The following BSG variants were observed in gnomAD, a reference collection of about 807,000 sequenced individuals.
The protein encoded by BSG is basigin (Ok blood group).
Under a neutral mutation model 43.1 loss-of-function variants are expected in BSG, and 37 were observed. The observed-to-expected ratio is 0.86, with a 90% CI of 0.66 to 1.13. The LOEUF (loss-of-function observed/expected upper bound fraction) is 1.13. Ranked by LOEUF, BSG falls within the 50% of genes most tolerant of loss-of-function variation. The pLI, the probability that BSG is intolerant of heterozygous loss-of-function variation, is 0.00. For synonymous variants in BSG, 309 were observed against 238.7 expected, an observed-to-expected ratio of 1.29 and a Z score of -2.72; for missense variants, 599 against 554.2, an observed-to-expected ratio of 1.08 and a Z score of -0.81.
intron 1 of BSG, among the ~76,000 whole-genome samples, chr19:573,576 C>T (rs1328348261): frequency 6.6e-6 from 1 of 152,086 alleles, no homozygotes; most frequent in Non-Finnish European, 1.5e-5. Context: ...AGGGGCCCTG[C>T]GTGGAAGGGA....
At chr19:579,683 C>T in intron 3 of BSG, 27 bp downstream of exon 3, 1 of 1,581,668 alleles carries the variant, frequency 6.3e-7, no homozygotes, top group Non-Finnish European at 8.6e-7. Flanking sequence ...GCCATGCCGC[C>T]ACCTGCCCCT....
intron 6 of BSG, 136 bp from the exon 7 acceptor site, chr19:582,170 A>T: frequency 1.8e-6 from 2 of 1,124,030 alleles, no homozygotes; most frequent in Non-Finnish European, 2.6e-6. Flanking sequence ...GGGGCTGATG[A>T]GCTGCCCCGA....
chr19:579,634 C>G lies in BSG; in HGVS notation c.550C>G (p.Pro184Ala). ...GGVVLKEDALPGQKTEFKVDS... is the reference protein window; with the variant it reads ...GGVVLKEDALAGQKTEFKVDS... ...CGTGGTGCTGAAGGAGGACGCGCTG[C>G]CCGGCCAGAAAACGGAGTTCAAGTG... Residue 184 changes from proline (P) to alanine (A), a missense_variant, in exon 3 of 9, where the codon CCC becomes GCC. Transcript: ENST00000333511. 2 of 1,610,774 alleles carry G rather than the reference C, an allele frequency of 1.2e-6. No individual in the cohort carries two copies. The highest frequency in any genetic ancestry group is 1.1e-5 in the South Asian group (1 of 90,890).
Position 581,188 on chromosome 19 carries a change from G to C in BSG, c.793-127G>C. On this transcript the variant is annotated intron_variant, in intron 5 of 8. Coordinates refer to ENST00000333511, the MANE Select transcript of BSG (RefSeq NM_001728.4). ...GACTGGGTGAGGGGCCTAGACTGGGGGTCCCGGACTCAGCCCTCCGGACTG... is the reference window on the plus strand; with the variant it reads ...GACTGGGTGAGGGGCCTAGACTGGGCGTCCCGGACTCAGCCCTCCGGACTG... The C allele has an allele frequency of 2.8e-6, 3 of 1,074,332 alleles. 1 individual carries two copies. Among genetic ancestry groups the C allele is most frequent in the Non-Finnish European group, 3.9e-6 (3 of 775,806 alleles). The allele number at this position is 1,074,332 out of a possible 1,614,324, so 66.5% of individuals were successfully genotyped here. A position where few individuals can be genotyped will look rare whatever the true frequency, so the allele number is the denominator to read the frequency against.
intron 1 of BSG, among the ~76,000 whole-genome samples, chr19:574,253 TA>T (rs11420107): frequency 0.15 from 19,161 of 126,844 alleles, 1,427 homozygotes; most frequent in South Asian, 0.28. Context: ...ACTCTGTCTT[TA>T]AAAAAAAAAA....
intron 2 of BSG, among the ~76,000 whole-genome samples, chr19:578,495 C>G (rs1178369992): frequency 6.6e-6 from 1 of 152,290 alleles, no homozygotes; most frequent in African/African-American, 2.4e-5. Context: ...TTGCAGGTCT[C>G]AGAACCTTCT....
intron 3 of BSG, chr19:580,042 A>G: frequency 2.5e-6 from 1 of 405,708 alleles, no homozygotes; most frequent in Admixed American, 4.3e-5. Context: ...GCTTTGTCAT[A>G]ACTGGGGCTG....
chr19:575,777 G>A (rs1015380388), intron 1 of BSG, among the ~76,000 whole-genome samples: 3 of 152,152 alleles, frequency 2.0e-5, no homozygotes, highest in Admixed American at 1.3e-4. Flanking sequence ...GGCCAGAATC[G>A]AATTCTAACC....
intron 1 of BSG, among the ~76,000 whole-genome samples, chr19:576,801 T>G (rs1031738126): frequency 6.6e-6 from 1 of 151,504 alleles, no homozygotes; most frequent in African/African-American, 2.4e-5. Context: ...CCAAAACTTG[T>G]CAACTGCGCC....
intron 1 of BSG, among the ~76,000 whole-genome samples, 198 bp downstream of exon 1, chr19:572,899 C>T (rs955756479): frequency 3.3e-5 from 5 of 152,080 alleles, no homozygotes; most frequent in Non-Finnish European, 5.9e-5. Flanking sequence ...ACTAGAGGTT[C>T]CTCCCGGCGC....
chr19:582,685 TC>T, intron 8 of BSG, 64 bp from the exon 9 acceptor site: 1 of 1,279,666 alleles, frequency 7.8e-7, no homozygotes, highest in Non-Finnish European at 1.1e-6. Flanking sequence ...AGGTGTGGGC[TC>T]CTGGGTCCCG....
chr19:581,968 C>A (rs887069304), intron 6 of BSG, among the ~76,000 whole-genome samples: 1 of 152,270 alleles, frequency 6.6e-6, no homozygotes, highest in Admixed American at 6.5e-5. Context: ...TGCCTCCTCG[C>A]GGAGCCCTTC....
At chr19:574,221 C>G (rs1025177827) in intron 1 of BSG, among the ~76,000 whole-genome samples, 1 of 146,256 alleles carries the variant, frequency 6.8e-6, no homozygotes, top group South Asian at 2.1e-4. Context: ...TGCCACTGCA[C>G]TCCAGCCTGG....
chr19:572,733 C>T, intron 1 of BSG, 32 bp downstream of exon 1: 2 of 1,433,784 alleles, frequency 1.4e-6, no homozygotes, highest in East Asian at 3.0e-5. Context: ...GGGGTGCGGT[C>T]CTGCAGGGGC....
At chr19:580,049 G>A (rs776197785) in intron 3 of BSG, 26 of 416,304 alleles carry the variant, frequency 6.2e-5, no homozygotes, top group Non-Finnish European at 1.0e-4. Flanking sequence ...CATAACTGGG[G>A]CTGGGACGGC....
chr19:578,071 C>T lies in BSG; in HGVS notation c.365C>T (p.Ala122Val), dbSNP rs753877511. Reference protein sequence around the residue: ...NDPDRNHLTRAPRVKWVRAQA... With the variant: ...NDPDRNHLTRVPRVKWVRAQA... ...CCGGATCGCAACCACCTGACCCGGG[C>T]GCCCAGGGTCAAGTGGGTCCGCGCC... The change falls in exon 2 of 9, where the codon GCG becomes GTG. Residue 122 changes from alanine (A) to valine (V), a missense_variant. Coordinates refer to ENST00000333511, the MANE Select transcript of BSG (RefSeq NM_001728.4). 24 of 1,607,272 alleles carry T rather than the reference C, an allele frequency of 1.5e-5. No individual in the cohort carries two copies. Among genetic ancestry groups the T allele is most frequent in the South Asian group, 2.2e-5 (2 of 90,596 alleles).
At chr19:574,253 T>TAAAA (rs11420107) in intron 1 of BSG, among the ~76,000 whole-genome samples, 1 of 127,012 alleles carries the variant, frequency 7.9e-6, no homozygotes, top group Non-Finnish European at 1.7e-5. Context: ...ACTCTGTCTT[T>TAAAA]AAAAAAAAAA....
chr19:579,571 G>C lies in BSG; in HGVS notation c.487G>C (p.Ala163Pro). ...CCTCACCTGCTCCTTGAATGACAGCGCCACAGAGGTCACAGGGCACCGCTG... is the reference window on the plus strand; with the variant it reads ...CCTCACCTGCTCCTTGAATGACAGCCCCACAGAGGTCACAGGGCACCGCTG... Reference protein sequence around the residue: ...ILLTCSLNDSATEVTGHRWLK... With the variant: ...ILLTCSLNDSPTEVTGHRWLK... The change falls in exon 3 of 9, where the codon GCC becomes CCC. Residue 163 changes from alanine to proline, a missense_variant. Transcript: ENST00000333511. 1 of 1,612,748 alleles carries C rather than the reference G, an allele frequency of 6.2e-7. No homozygotes were observed. The highest frequency in any genetic ancestry group is 8.5e-7 in the Non-Finnish European group (1 of 1,179,932).
intron 1 of BSG, among the ~76,000 whole-genome samples, chr19:576,879 C>T (rs1347462765): frequency 6.6e-6 from 1 of 152,244 alleles, no homozygotes; most frequent in Non-Finnish European, 1.5e-5. Flanking sequence ...GGGCCGTGAC[C>T]TGTGCACTGC....
Sources: gnomAD v4.1 joint callset for allele counts (sites outside exome capture counted in the v4.1 genomes callset) on GRCh38, gnomAD v4.1.1 for gene constraint, MANE v1.5 for transcripts, NCBI Gene and HGNC (gene_info 2026-07-23, HGNC 2026-07-21) for gene names.